CYTH3: variants seen among roughly 807,000 people sequenced by gnomAD.
CYTH3 encodes cytohesin 3.
In CYTH3, 23 loss-of-function variants were observed where a neutral mutation model predicts 55.1. The ratio of observed to expected loss-of-function variants is 0.42; its 90% CI spans 0.30 to 0.59. The LOEUF (loss-of-function observed/expected upper bound fraction) is 0.59, where lower values mean the gene tolerates loss of function less well. Ranked by LOEUF, CYTH3 falls within the 20% of genes least tolerant of loss-of-function variation. The pLI, the probability that CYTH3 is intolerant of heterozygous loss-of-function variation, is 0.20. For missense variants in CYTH3, 413 were observed against 524.8 expected, an observed-to-expected ratio of 0.79 and a Z score of 2.08; for synonymous variants, 249 against 194.9, an observed-to-expected ratio of 1.28 and a Z score of -2.31.
At chr7:6,233,424 A>G (rs1277942372) in intron 1 of CYTH3, among the ~76,000 whole-genome samples, 1 of 152,110 alleles carries the variant, frequency 6.6e-6, no homozygotes, top group African/African-American at 2.4e-5. Flanking sequence ...TGGGAGGCCG[A>G]GGAGGGCAGA....
At chr7:6,214,843 G>A (rs1389054017) in intron 1 of CYTH3, among the ~76,000 whole-genome samples, 1 of 152,108 alleles carries the variant, frequency 6.6e-6, no homozygotes, top group Non-Finnish European at 1.5e-5. Context: ...TATTCGCTCT[G>A]TGAAAGGCTG....
exon 1 of CYTH3, chr7:6,272,614 GCGCGGCCCGGGT>G: frequency 1.2e-6 from 1 of 860,448 alleles, no homozygotes. Context: ...GCTCCTCAGC[GCGCGGCCCGGGT>G]CGCGGCCGGG....
chr7:6,187,976 G>A (rs1783696777), intron 2 of CYTH3, among the ~76,000 whole-genome samples: 1 of 151,860 alleles, frequency 6.6e-6, no homozygotes, highest in Admixed American at 6.5e-5. Context: ...CAGATCCTAG[G>A]GTATTTGTAT....
intron 1 of CYTH3, chr7:6,212,623 T>G (rs1233761811): frequency 6.7e-6 from 1 of 149,642 alleles, no homozygotes; most frequent in African/African-American, 2.5e-5. Context: ...TTTAAAAACA[T>G]TTTCAATTTT....
Position 6,272,600 on chromosome 7 carries a change from G to T in CYTH3, c.-93C>A. On this transcript the variant is annotated 5_prime_UTR_variant, in exon 1 of 13. Coordinates refer to ENST00000350796, the MANE Select transcript of CYTH3 (RefSeq NM_004227.4). The stretch of plus-strand genomic sequence containing the variant: ...GCCGGAGGGAGCGCGCAGGCGACCG[G>T]GCGGCTCCTCAGCGCGCGGCCCGGG... The T allele has an allele frequency of 2.0e-6, 2 of 1,016,638 alleles. No individual in the cohort carries two copies. The highest frequency in any genetic ancestry group is 2.4e-6 in the Non-Finnish European group (2 of 832,974). 63.0% of individuals were successfully genotyped at this position (1,016,638 alleles called of 1,614,324 possible). A position where few individuals can be genotyped will look rare whatever the true frequency, so the allele number is the denominator to read the frequency against.
chr7:6,178,750 C>T (rs1783407864), intron 4 of CYTH3, among the ~76,000 whole-genome samples: 1 of 152,220 alleles, frequency 6.6e-6, no homozygotes, highest in Middle Eastern at 3.2e-3. Flanking sequence ...GCTGTGCCAC[C>T]AAGCTCATCC....
intron 1 of CYTH3, among the ~76,000 whole-genome samples, chr7:6,237,667 C>G (rs1317427063): frequency 6.6e-6 from 1 of 152,136 alleles, no homozygotes; most frequent in African/African-American, 2.4e-5. Flanking sequence ...CCAGATCGCG[C>G]CACTGCACTC....
intron 1 of CYTH3, among the ~76,000 whole-genome samples, chr7:6,214,754 A>G (rs1288576633): frequency 6.6e-6 from 1 of 152,222 alleles, no homozygotes; most frequent in Non-Finnish European, 1.5e-5. Flanking sequence ...CATCTAACCT[A>G]AAGGACACAT....
chr7:6,218,723 C>T (rs1784479648), intron 1 of CYTH3, among the ~76,000 whole-genome samples: 1 of 152,034 alleles, frequency 6.6e-6, no homozygotes, highest in South Asian at 2.1e-4. Flanking sequence ...AACTGTGCCA[C>T]TTGCCAGGCA....
intron 4 of CYTH3, among the ~76,000 whole-genome samples, chr7:6,184,779 T>C (rs1045883577): frequency 6.6e-6 from 1 of 152,178 alleles, no homozygotes; most frequent in Non-Finnish European, 1.5e-5. Context: ...AGTTTCACCA[T>C]GTTGGCCAGG....
At chr7:6,261,515 G>C (rs2115062381) in intron 1 of CYTH3, among the ~76,000 whole-genome samples, 1 of 152,046 alleles carries the variant, frequency 6.6e-6, no homozygotes, top group Middle Eastern at 3.4e-3. Flanking sequence ...AGGAGTTCAA[G>C]ACCAGTCTGG....
chr7:6,247,421 C>A (rs1216063384), intron 1 of CYTH3, among the ~76,000 whole-genome samples: 3 of 149,994 alleles, frequency 2.0e-5, no homozygotes, highest in Non-Finnish European at 4.4e-5. Flanking sequence ...AGAAACAGCT[C>A]GTTTTTTTTC....
chr7:6,249,086 C>T (rs1201415566), intron 1 of CYTH3, among the ~76,000 whole-genome samples: 1 of 152,024 alleles, frequency 6.6e-6, no homozygotes, highest in African/African-American at 2.4e-5. Flanking sequence ...GCTGTTTGTA[C>T]ACATTTAAAA....
At chr7:6,216,997 C>G (rs561028488) in intron 1 of CYTH3, among the ~76,000 whole-genome samples, 226 of 152,022 alleles carry the variant, frequency 1.5e-3, no homozygotes, top group African/African-American at 5.2e-3. Context: ...ACTGCAACCT[C>G]TGCCTCCCAG....
chr7:6,164,849 C>T lies in CYTH3; in HGVS notation c.*95G>A, dbSNP rs138755806. ...TGGAGCAGCAGCTTGCACCGCAGGG[C>T]GACTGCCTCCCTGCCACGCCTTCCG... On this transcript the variant is annotated 3_prime_UTR_variant, in exon 13 of 13. Transcript: ENST00000350796. 1.8e-3 allele frequency: 2,399 copies of T among 1,362,084 alleles called. 4 individuals are homozygous for T. The highest frequency in any genetic ancestry group is 2.3e-3 in the Non-Finnish European group (2,165 of 956,880). The allele number at this position is 1,362,084 out of a possible 1,614,324, so 84.4% of individuals were successfully genotyped here.
rs575139251 is a variant in CYTH3, at chr7:6,264,505, G to A, written c.34+7969C>T. ...CGCCTGCCTGTAATCCCAGCTACTC[G>A]GAAGGCTGAGGCAGAAGAATCGCTT... On this transcript the variant is annotated intron_variant, in intron 1 of 12. Coordinates refer to ENST00000350796, the MANE Select transcript of CYTH3 (RefSeq NM_004227.4). Among the ~76,000 whole-genome samples, 8 of 151,672 alleles carry A rather than the reference G, an allele frequency of 5.3e-5. No individual in the cohort carries two copies. In the East Asian group the frequency reaches 1.4e-3, roughly 26 times the overall value.
intron 1 of CYTH3, among the ~76,000 whole-genome samples, chr7:6,248,649 A>G (rs1779885922): frequency 6.6e-6 from 1 of 151,970 alleles, no homozygotes; most frequent in East Asian, 1.9e-4. Context: ...GCACAAGCCC[A>G]CCCCGGCTGC....
In CYTH3 at chr7:6,170,781, C is replaced by T. The variant is rs1448949519; in HGVS notation, c.711+49G>A. On this transcript the variant is annotated intron_variant, in intron 8 of 12. Coordinates refer to ENST00000350796, the MANE Select transcript of CYTH3 (RefSeq NM_004227.4). The surrounding 1 kb of genome is among the most constrained non-coding windows in gnomAD (Gnocchi z 7.8). ...GAGCCGCGGGCGCTGCGGCCGCTCACAGCGAAGAGATCCTGCAGACGGCAG... is the reference window on the plus strand; with the variant it reads ...GAGCCGCGGGCGCTGCGGCCGCTCATAGCGAAGAGATCCTGCAGACGGCAG... 1 of 1,587,822 alleles carries T rather than the reference C, an allele frequency of 6.3e-7. No homozygotes were observed. Among genetic ancestry groups the T allele is most frequent in the South Asian group, 1.1e-5 (1 of 88,518 alleles).
At chr7:6,201,358 G>C (rs1354748390) in intron 1 of CYTH3, among the ~76,000 whole-genome samples, 2 of 152,200 alleles carry the variant, frequency 1.3e-5, no homozygotes, top group Non-Finnish European at 2.9e-5. Context: ...CCAAGGGTCC[G>C]ATTCTCGCCA....
Sources: gnomAD v4.1 joint callset for allele counts (sites outside exome capture counted in the v4.1 genomes callset) on GRCh38, gnomAD v4.1.1 for gene constraint, Gnocchi (gnomAD v3.1) non-coding constraint, MANE v1.5 for transcripts, NCBI Gene and HGNC (gene_info 2026-07-23, HGNC 2026-07-21) for gene names.